Variants in ATIC observed in about 807,000 individuals in gnomAD.
ATIC encodes 5-aminoimidazole-4-carboxamide ribonucleotide formyltransferase/IMP cyclohydrolase, also known as bifunctional purine biosynthesis protein ATIC.
A neutral mutation model predicts 72.5 loss-of-function variants in ATIC; 64 were observed. The ratio of observed to expected loss-of-function variants is 0.88; its 90% CI spans 0.72 to 1.09. The LOEUF (loss-of-function observed/expected upper bound fraction) is 1.09. Ranked by LOEUF, ATIC falls within the 50% of genes least tolerant of loss-of-function variation. The pLI is 0.00. For missense variants in ATIC, 787 were observed against 732.4 expected (o/e 1.07, Z -0.86); for synonymous variants, 281 against 267.1 (o/e 1.05, Z -0.51).
At chr2:215,313,382 C>G (rs772436640) in intron 2 of ATIC, among the ~76,000 whole-genome samples, 15 of 152,120 alleles carry the variant, frequency 9.9e-5, no homozygotes, top group Non-Finnish European at 2.1e-4. Flanking sequence ...TTCACAAGCC[C>G]TTCATTAGCT....
chr2:215,363,573 T>C, the ATIC span: 1 of 152,318 alleles, frequency 6.6e-6, no homozygotes, highest in African/African-American at 2.4e-5. Flanking sequence ...GCCAGATTAA[T>C]TTTCCCAAAG....
chr2:215,368,098 G>A, the ATIC span: 78 of 1,474,220 alleles, frequency 5.3e-5, 1 homozygote, highest in South Asian at 3.1e-4. Context: ...GAAGAAAATC[G>A]AATGACTGTA....
chr2:215,314,284 C>T (rs1045043598), intron 2 of ATIC, among the ~76,000 whole-genome samples: 1 of 152,160 alleles, frequency 6.6e-6, no homozygotes, highest in African/African-American at 2.4e-5. Context: ...ATGTAAACAA[C>T]TTGGAGCAAT....
chr2:215,362,347 T>A, the ATIC span: 259 of 463,670 alleles, frequency 5.6e-4, no homozygotes, highest in Non-Finnish European at 8.7e-4. Context: ...ACCTTGCCCA[T>A]CTGCTGAGGC....
chr2:215,315,131 C>G (rs753610456), intron 2 of ATIC, among the ~76,000 whole-genome samples: 7 of 152,128 alleles, frequency 4.6e-5, no homozygotes, highest in South Asian at 4.1e-4. Context: ...TTCTCCACCC[C>G]CTAAGGATCT....
Position 215,334,988 on chromosome 2 carries a change from A to T in ATIC, c.992A>T (p.Lys331Ile), listed in dbSNP as rs777319578. Reference protein sequence around the residue: ...LSDVCDVPTAKIISREVSDGI... With the variant: ...LSDVCDVPTAIIISREVSDGI... Reference sequence around the variant, plus strand: ...GATGTTTGTGATGTACCAACTGCAAAAATTATTTCCAGAGAAGTTAGTGGA... The same window carrying T: ...GATGTTTGTGATGTACCAACTGCAATAATTATTTCCAGAGAAGTTAGTGGA... The change falls in exon 10 of 16, where the codon AAA becomes ATA. Residue 331 changes from lysine (K) to isoleucine (I), a missense_variant. Lys to Ile is a moderately radical substitution (Grantham distance 102, BLOSUM62 -3). Coordinates refer to ENST00000236959, the MANE Select transcript of ATIC (RefSeq NM_004044.7). The T allele has an allele frequency of 4.3e-6, 7 of 1,613,150 alleles. No homozygotes were observed. The highest frequency in any genetic ancestry group is 5.9e-6 in the Non-Finnish European group (7 of 1,179,364).
At chr2:215,345,942 G>A (rs1165683744) in intron 13 of ATIC, among the ~76,000 whole-genome samples, 1 of 152,148 alleles carries the variant, frequency 6.6e-6, no homozygotes, top group Non-Finnish European at 1.5e-5. Context: ...ACACACCTGT[G>A]CATTTAAGTC....
At position 215,332,470 on chromosome 2, in the gene ATIC, T is replaced by G; in HGVS notation, c.777T>G (p.Ile259Met). 8 of 1,613,784 alleles carry G rather than the reference T, an allele frequency of 5.0e-6. No individual in the cohort carries two copies. Among genetic ancestry groups the G allele is most frequent in the Non-Finnish European group, 6.8e-6 (8 of 1,179,970 alleles). Residue 259 changes from isoleucine to methionine, a missense_variant, in exon 8 of 16, where the codon ATT (isoleucine) becomes ATG (methionine). Ile to Met is a conservative substitution (Grantham distance 10, BLOSUM62 1). Coordinates refer to ENST00000236959, the MANE Select transcript of ATIC (RefSeq NM_004044.7). ...LVKELKEALG[I>M]PAAASFKHVS... Reference sequence around the variant, plus strand: ...AGGAACTCAAGGAGGCTTTAGGTATTCCAGCCGCTGCCTCTTTCAAACATG... The same window carrying G: ...AGGAACTCAAGGAGGCTTTAGGTATGCCAGCCGCTGCCTCTTTCAAACATG...
In ATIC at chr2:215,338,910, A is replaced by G. The variant is rs778371592; in HGVS notation, c.1227+3A>G. On this transcript the variant is annotated splice_donor_region_variant and intron_variant, in intron 12 of 15. Transcript: ENST00000236959. ...ATGTTGTTACCAAAAATAAAGATGT[A>G]AGTTGGGAAGTATCTGAACTGACTG... is the stretch of plus-strand genomic sequence containing the variant. 1 of 1,612,990 alleles carries G rather than the reference A, an allele frequency of 6.2e-7. No individual in the cohort carries two copies. The highest frequency in any genetic ancestry group is 8.5e-7 in the Non-Finnish European group (1 of 1,179,352).
intron 14 of ATIC, chr2:215,348,740 A>G: frequency 2.7e-6 from 1 of 376,354 alleles, no homozygotes; most frequent in Non-Finnish European, 5.0e-6. Flanking sequence ...AGGTGAGTGG[A>G]TCATGAGGTC....
At chr2:215,344,965 G>A in intron 13 of ATIC, 94 bp downstream of exon 13, 6 of 1,294,646 alleles carry the variant, frequency 4.6e-6, no homozygotes, top group Non-Finnish European at 4.4e-6. Flanking sequence ...CAGCTTGAAA[G>A]GGAATATTTG....
At chr2:215,342,833 C>G (rs1223559509) in intron 12 of ATIC, among the ~76,000 whole-genome samples, 1 of 152,210 alleles carries the variant, frequency 6.6e-6, no homozygotes, top group Non-Finnish European at 1.5e-5. Context: ...GCATGCGGCA[C>G]CACACCTGGC....
Position 215,333,577 on chromosome 2 carries a change from G to A in ATIC, c.922+120G>A, listed in dbSNP as rs1333908545. On this transcript the variant is annotated intron_variant, in intron 9 of 15. Transcript: ENST00000236959. Reference sequence around the variant, plus strand: ...TAGATATTCTGTATAATATATAGATGAAATTAAGGACTTCTATCTCTATGT... The same window carrying A: ...TAGATATTCTGTATAATATATAGATAAAATTAAGGACTTCTATCTCTATGT... The A allele has an allele frequency of 6.1e-6, 4 of 657,726 alleles. No individual in the cohort carries two copies. The Admixed American group carries it at 9.5e-5, about 16-fold the overall frequency. 40.7% of individuals were successfully genotyped at this position (657,726 alleles called of 1,614,324 possible).
intron 15 of ATIC, 96 bp from the exon 16 acceptor site, chr2:215,349,440 T>A: frequency 1.2e-6 from 2 of 1,601,254 alleles, no homozygotes; most frequent in Non-Finnish European, 1.7e-6. Flanking sequence ...TTTGACTGAG[T>A]GTATCTTTGT....
chr2:215,349,237 C>G lies in ATIC; in HGVS notation c.1647C>G (p.Asp549Glu). Reference protein sequence around the residue: ...DAFFPFRDNVDRAKRSGVAYI... With the variant: ...DAFFPFRDNVERAKRSGVAYI... ...TCTTCCCTTTCCGAGATAACGTAGA[C>G]AGAGCTAAAAGGGTAAGTATGGAAT... is the stretch of plus-strand genomic sequence containing the variant. Residue 549 changes from aspartate (D) to glutamate (E), a missense_variant, in exon 15 of 16, where the codon GAC becomes GAG. Transcript: ENST00000236959. The G allele has an allele frequency of 6.2e-7, 1 of 1,614,098 alleles. No individual in the cohort carries two copies. The highest frequency in any genetic ancestry group is 8.5e-7 in the Non-Finnish European group (1 of 1,180,020).
rs568962800 is a variant in ATIC, at chr2:215,330,890, A to G, written c.689-1492A>G. On this transcript the variant is annotated intron_variant, in intron 7 of 15. Coordinates refer to ENST00000236959, the MANE Select transcript of ATIC (RefSeq NM_004044.7). ...ATTTCCAGAATGTCAGATAGTTGGG[A>G]TCATACAGTATGGAGCCCTTTTAGG... 4.6e-5 allele frequency among the ~76,000 whole-genome samples: 7 copies of G among 152,168 alleles called. No individual in the cohort carries two copies. In the South Asian group the frequency reaches 1.5e-3, roughly 32 times the overall value.
At chr2:215,342,994 GC>G (rs2053035778) in intron 12 of ATIC, among the ~76,000 whole-genome samples, 1 of 152,130 alleles carries the variant, frequency 6.6e-6, no homozygotes, top group African/African-American at 2.4e-5. Flanking sequence ...TTTGATAAAT[GC>G]CCAGGGTTGT....
the ATIC span, chr2:215,367,619 A>G: frequency 1.9e-6 from 1 of 525,746 alleles, no homozygotes; most frequent in Non-Finnish European, 3.4e-6. Flanking sequence ...TTAGCACCAT[A>G]ATCTTATGTG....
intron 12 of ATIC, among the ~76,000 whole-genome samples, chr2:215,342,365 A>C (rs1342031744): frequency 6.6e-6 from 1 of 152,310 alleles, no homozygotes; most frequent in East Asian, 1.9e-4. Context: ...TAAACTTTTT[A>C]ATTTTGAGAT....
Sources: allele counts gnomAD v4.1 joint callset (sites outside exome capture counted in the v4.1 genomes callset), GRCh38; gene constraint gnomAD v4.1.1; transcripts MANE v1.5; gene names NCBI Gene and HGNC (gene_info 2026-07-23, HGNC 2026-07-21).